Variants in PRKCE observed in about 807,000 individuals in gnomAD.
PRKCE encodes the protein protein kinase C epsilon type.
PRKCE carries 16 observed loss-of-function variants against 85.4 expected under a neutral mutation model. That is an observed-to-expected ratio of 0.19 (90% CI 0.13 to 0.28). The LOEUF (loss-of-function observed/expected upper bound fraction) is 0.28. Ranked by LOEUF, PRKCE falls within the 10% of genes least tolerant of loss-of-function variation. PRKCE has a pLI of 1.00. For synonymous variants in PRKCE, 388 were observed against 371.5 expected, an observed-to-expected ratio of 1.04 and a Z score of -0.51; for missense variants, 573 against 975.2, an observed-to-expected ratio of 0.59 and a Z score of 5.49.
rs1677545418 is a variant in PRKCE, at chr2:46,159,477, T to C, written c.1921-129T>C. On this transcript the variant is annotated intron_variant, in intron 13 of 14. Transcript: ENST00000306156. The surrounding 1 kb of genome is among the most constrained non-coding windows in gnomAD (Gnocchi z 4.1). ...AAGAAAACCCAACAGATGTGGCCCT[T>C]GAAAGTGCAAAGAACAGACTTGGGA... 4.1e-6 allele frequency: 4 copies of C among 972,314 alleles called. No individual in the cohort carries two copies. The highest frequency in any genetic ancestry group is 5.7e-5 in the Admixed American group (2 of 35,088). 60.2% of individuals were successfully genotyped at this position (972,314 alleles called of 1,614,324 possible). A position where few individuals can be genotyped will look rare whatever the true frequency, so the allele number is the denominator to read the frequency against.
intron 1 of PRKCE, among the ~76,000 whole-genome samples, chr2:45,706,234 T>C (rs931534846): frequency 6.6e-6 from 1 of 152,192 alleles, no homozygotes; most frequent in South Asian, 2.1e-4. Context: ...GCTGCTGTTG[T>C]AGTTGGCAAG....
intron 1 of PRKCE, among the ~76,000 whole-genome samples, chr2:45,742,090 C>T (rs1682627605): frequency 6.6e-6 from 1 of 151,894 alleles, no homozygotes; most frequent in Admixed American, 6.6e-5. Flanking sequence ...GCAACAAAAG[C>T]AAAAATAACA....
intron 10 of PRKCE, among the ~76,000 whole-genome samples, chr2:46,069,167 G>A (rs1667867564): frequency 6.6e-6 from 1 of 152,192 alleles, no homozygotes; most frequent in Non-Finnish European, 1.5e-5. Context: ...GTCTTCTAGT[G>A]AGCAGACAGA....
chr2:45,678,040 C>T (rs1416609293), intron 1 of PRKCE: 1 of 308,342 alleles, frequency 3.2e-6, no homozygotes, highest in Non-Finnish European at 4.7e-6. Context: ...TGGTTCTACA[C>T]CGAGCCAGGG....
intron 2 of PRKCE, among the ~76,000 whole-genome samples, chr2:45,849,669 AC>A (rs1007984578): frequency 3.9e-5 from 6 of 152,138 alleles, no homozygotes; most frequent in Non-Finnish European, 7.4e-5. Flanking sequence ...GACTCCCTAG[AC>A]ATGCATGGAC....
intron 1 of PRKCE, among the ~76,000 whole-genome samples, chr2:45,750,062 T>C (rs1056000973): frequency 1.5e-4 from 23 of 152,228 alleles, no homozygotes; most frequent in African/African-American, 5.5e-4. Context: ...TGGTGAATAA[T>C]GTATCATCTT....
intron 1 of PRKCE, among the ~76,000 whole-genome samples, chr2:45,797,062 G>C (rs1427269141): frequency 1.3e-5 from 2 of 152,190 alleles, no homozygotes; most frequent in Non-Finnish European, 2.9e-5. Context: ...CAGTGTTTCA[G>C]ACAAAGCAGC....
At chr2:45,864,677 CTTT>C (rs1216783429) in intron 2 of PRKCE, among the ~76,000 whole-genome samples, 1 of 152,182 alleles carries the variant, frequency 6.6e-6, no homozygotes, top group Non-Finnish European at 1.5e-5. Context: ...TTGCTTTCTT[CTTT>C]AATTCCTCCC....
intron 10 of PRKCE, among the ~76,000 whole-genome samples, chr2:46,042,579 C>T (rs1466750467): frequency 6.6e-6 from 1 of 152,244 alleles, no homozygotes; most frequent in Non-Finnish European, 1.5e-5. Context: ...CCGAGACCTG[C>T]TTTTAAAGCC....
intron 1 of PRKCE, among the ~76,000 whole-genome samples, chr2:45,748,427 CAT>C (rs756739858): frequency 1.3e-5 from 2 of 152,236 alleles, no homozygotes; most frequent in East Asian, 3.9e-4. Context: ...AAGCTTCACA[CAT>C]GTGTTGCTCA....
At chr2:46,009,708 G>A (rs147032935) in intron 9 of PRKCE, among the ~76,000 whole-genome samples, 12 of 152,286 alleles carry the variant, frequency 7.9e-5, no homozygotes, top group African/African-American at 2.6e-4. Flanking sequence ...AATACTCAAT[G>A]CAACTTATAT....
rs72802902 is a variant in PRKCE at position 45,961,236 on chromosome 2, T to C, written c.413-15193T>C. ...CAGTAGTCACAATACCTACCTCCTTTCCCCCCCCGATTTGGTTGAGCAGTG... is the reference window on the plus strand; with the variant it reads ...CAGTAGTCACAATACCTACCTCCTTCCCCCCCCCGATTTGGTTGAGCAGTG... On this transcript the variant is annotated intron_variant, in intron 2 of 14. Coordinates refer to ENST00000306156, the MANE Select transcript of PRKCE (RefSeq NM_005400.3). Among the ~76,000 whole-genome samples the C allele has an allele frequency of 6.1e-3, 927 of 150,896 alleles. 11 individuals are homozygous for C. The highest frequency in any genetic ancestry group is 8.4e-3 in the Non-Finnish European group (565 of 67,654).
At chr2:45,726,028 A>G (rs1681041846) in intron 1 of PRKCE, among the ~76,000 whole-genome samples, 1 of 152,212 alleles carries the variant, frequency 6.6e-6, no homozygotes, top group Non-Finnish European at 1.5e-5. Context: ...AGAATTAGAA[A>G]TGGAGCCTGG....
chr2:46,023,089 C>CAAAAGAAAA (rs1706812145), intron 10 of PRKCE, among the ~76,000 whole-genome samples: 1 of 71,494 alleles, frequency 1.4e-5, no homozygotes, highest in Non-Finnish European at 2.5e-5. Flanking sequence ...GACTCCGTCT[C>CAAAAGAAAA]AAAAAAAAAA....
At chr2:45,992,481 G>A (rs144777012) in intron 6 of PRKCE, among the ~76,000 whole-genome samples, 15 of 152,230 alleles carry the variant, frequency 9.9e-5, no homozygotes, top group Middle Eastern at 3.4e-3. Flanking sequence ...CTTTGCGGTC[G>A]TTCACTCTCA....
chr2:45,907,653 G>A lies in PRKCE; in HGVS notation c.412+64590G>A, dbSNP rs145135787. On this transcript the variant is annotated intron_variant, in intron 2 of 14. Transcript: ENST00000306156. This position sits in a 1 kb window ranked among gnomAD's most constrained non-coding sequence, Gnocchi z 4.5. ...CATTCTATGGACTGTTCTGTCCAGG[G>A]AGAAGGAGCATGAGCCCACATCTGC... Among the ~76,000 whole-genome samples, 29 of 152,284 alleles carry A rather than the reference G, an allele frequency of 1.9e-4. 1 individual carries two copies. In the East Asian group the frequency reaches 5.6e-3, roughly 29 times the overall value.
At position 45,652,638 on chromosome 2, in the gene PRKCE, G is replaced by A. The variant is rs1429307172; in HGVS notation, c.348+190G>A. On this transcript the variant is annotated intron_variant, in intron 1 of 14. Transcript: ENST00000306156. The surrounding 1 kb of genome is among the most constrained non-coding windows in gnomAD (Gnocchi z 7.7). ...AGAAACAGGCATTGGCGAGGAAGAT[G>A]AGACTTGGAAAGAGGATGTGGCCCT... is the stretch of plus-strand genomic sequence containing the variant. 2.6e-5 allele frequency among the ~76,000 whole-genome samples: 4 copies of A among 152,248 alleles called. No homozygotes were observed. Among genetic ancestry groups the A allele is most frequent in the Non-Finnish European group, 5.9e-5 (4 of 68,050 alleles).
intron 1 of PRKCE, among the ~76,000 whole-genome samples, chr2:45,787,083 A>T (rs1057035801): frequency 2.0e-5 from 3 of 151,930 alleles, no homozygotes; most frequent in Non-Finnish European, 4.4e-5. Context: ...CTGCTGGTGG[A>T]TGTGGGAAAA....
At position 46,159,312 on chromosome 2, in the gene PRKCE, G is replaced by A. The variant is rs1677523338; in HGVS notation, c.1921-294G>A. 6.6e-6 allele frequency among the ~76,000 whole-genome samples: 1 copy of A among 152,180 alleles called. No homozygotes were observed. Among genetic ancestry groups the A allele is most frequent in the East Asian group, 1.9e-4 (1 of 5,202 alleles). On this transcript the variant is annotated intron_variant, in intron 13 of 14. Coordinates refer to ENST00000306156, the MANE Select transcript of PRKCE (RefSeq NM_005400.3). This position sits in a 1 kb window ranked among gnomAD's most constrained non-coding sequence, Gnocchi z 4.1. ...CTGGGTGACTTTGGCCAAATTAGCTGACCTCTGTGTGCTTCTAGTGCCTCG... is the reference window on the plus strand; with the variant it reads ...CTGGGTGACTTTGGCCAAATTAGCTAACCTCTGTGTGCTTCTAGTGCCTCG...
Sources: allele counts gnomAD v4.1 joint callset (sites outside exome capture counted in the v4.1 genomes callset), GRCh38; gene constraint gnomAD v4.1.1; non-coding constraint Gnocchi (gnomAD v3.1); transcripts MANE v1.5; gene names NCBI Gene and HGNC (gene_info 2026-07-23, HGNC 2026-07-21).